Variants in PAPPA observed in about 807,000 individuals in gnomAD.
The protein encoded by PAPPA is pappalysin-1.
Under a neutral mutation model 164.0 loss-of-function variants are expected in PAPPA, and 60 were observed. The ratio of observed to expected loss-of-function variants is 0.37; its 90% CI spans 0.30 to 0.45. The LOEUF is 0.45. Ranked by LOEUF, PAPPA falls within the 20% of genes least tolerant of loss-of-function variation. The pLI is 1.00. For missense variants in PAPPA, 1,782 were observed against 2,087.3 expected, an observed-to-expected ratio of 0.85 and a Z score of 2.85; for synonymous variants, 875 against 814.1, an observed-to-expected ratio of 1.07 and a Z score of -1.27.
chr9:116,377,462 G>A (rs1846670325), intron 19 of PAPPA, 114 bp from the exon 20 acceptor site: 2 of 669,988 alleles, frequency 3.0e-6, no homozygotes, highest in Admixed American at 2.7e-5. Flanking sequence ...GCCAGGGTGA[G>A]GTCAGGAATT....
At chr9:116,391,391 C>A (rs975423687) in intron 21 of PAPPA, among the ~76,000 whole-genome samples, 1 of 152,178 alleles carries the variant, frequency 6.6e-6, no homozygotes, top group African/African-American at 2.4e-5. Flanking sequence ...CCCCCACAGC[C>A]AGCAGGAGAC....
intron 1 of PAPPA, among the ~76,000 whole-genome samples, chr9:116,166,409 C>T (rs1006581059): frequency 3.3e-5 from 5 of 152,148 alleles, no homozygotes; most frequent in African/African-American, 1.2e-4. Flanking sequence ...CCCTCTCTCC[C>T]CCTTATCAGT....
intron 5 of PAPPA, 148 bp from the exon 6 acceptor site, chr9:116,227,283 T>A: frequency 1.2e-6 from 1 of 829,448 alleles, no homozygotes; most frequent in Non-Finnish European, 1.9e-6. Flanking sequence ...TTACGGTTAT[T>A]TCCAGAAGCC....
chr9:116,246,583 C>T (rs1354477351), intron 7 of PAPPA, among the ~76,000 whole-genome samples: 1 of 152,144 alleles, frequency 6.6e-6, no homozygotes, highest in Non-Finnish European at 1.5e-5. Flanking sequence ...CTCTTATAAA[C>T]ATGCATGAAT....
chr9:116,282,269 T>C (rs1051089018), intron 9 of PAPPA, among the ~76,000 whole-genome samples: 1 of 152,194 alleles, frequency 6.6e-6, no homozygotes, highest in African/African-American at 2.4e-5. Flanking sequence ...GCTACATAAA[T>C]AGTTGTTATA....
At chr9:116,305,477 A>T (rs1177747317) in intron 10 of PAPPA, among the ~76,000 whole-genome samples, 2 of 151,968 alleles carry the variant, frequency 1.3e-5, no homozygotes, top group African/African-American at 4.8e-5. Context: ...TCTCTCACAC[A>T]CACACACACA....
chr9:116,349,190 T>C (rs1588015339), intron 15 of PAPPA, among the ~76,000 whole-genome samples: 2 of 150,616 alleles, frequency 1.3e-5, no homozygotes, highest in Non-Finnish European at 3.0e-5. Context: ...GATTGAGTGA[T>C]TGTCCTTATT....
Position 116,400,067 on chromosome 9 carries a change from G to A in PAPPA, c.*3451G>A, listed in dbSNP as rs950635756. On this transcript the variant is annotated 3_prime_UTR_variant, in exon 22 of 22. Coordinates refer to ENST00000328252, the MANE Select transcript of PAPPA (RefSeq NM_002581.5). ...AAAGAAAGAGAAAGGAAATTATAAG[G>A]TCAAGTTAACAGTTTTGAGGTTTTG... 3 of 152,480 alleles carry A rather than the reference G, an allele frequency of 2.0e-5. No individual in the cohort carries two copies. The highest frequency in any genetic ancestry group is 2.9e-5 in the Non-Finnish European group (2 of 67,996). The allele number at this position is 152,480 out of a possible 1,614,324, so 9.4% of individuals were successfully genotyped here. A position where few individuals can be genotyped will look rare whatever the true frequency, so the allele number is the denominator to read the frequency against.
intron 1 of PAPPA, among the ~76,000 whole-genome samples, chr9:116,157,835 T>C (rs1843621334): frequency 6.6e-6 from 1 of 152,112 alleles, no homozygotes; most frequent in African/African-American, 2.4e-5. Context: ...GACACATCCC[T>C]TTGCTTTTGT....
At chr9:116,254,514 G>A (rs1844898218) in intron 7 of PAPPA, among the ~76,000 whole-genome samples, 1 of 152,128 alleles carries the variant, frequency 6.6e-6, no homozygotes, top group Non-Finnish European at 1.5e-5. Flanking sequence ...CGGGCGCGGT[G>A]GCTCACACCT....
rs184063593 is a variant in PAPPA, at chr9:116,389,964, T to C, written c.4777-6545T>C. ...AATGTGCTTCTTGTTTGTTTATTGA[T>C]ATATTCAAATTTCCAGTGTACCTCA... On this transcript the variant is annotated intron_variant, in intron 21 of 21. Transcript: ENST00000328252. 1.3e-3 allele frequency among the ~76,000 whole-genome samples: 201 copies of C among 152,334 alleles called. 1 individual carries two copies. Among genetic ancestry groups the C allele is most frequent in the Middle Eastern group, 0.01 (3 of 294 alleles).
rs754380054 is a variant in PAPPA at position 116,302,938 on chromosome 9, A to G, written c.3135A>G (p.Pro1045=). Residue 1045 remains proline (P), a synonymous_variant, in exon 10 of 22, where the codon CCA becomes CCG. Transcript: ENST00000328252. ...CAGGCTGGGTCATCATCGGACAGCC[A>G]GCAGCATCCCAGGTAAGATCCTAAC... is the stretch of plus-strand genomic sequence containing the variant. ...QCPGWVIIGQ[P]AASQVCRTKV... 1.1e-5 allele frequency: 18 copies of G among 1,613,514 alleles called. No homozygotes were observed. The highest frequency in any genetic ancestry group is 1.5e-5 in the Non-Finnish European group (18 of 1,179,906).
Position 116,205,515 on chromosome 9 carries a change from T to G in PAPPA, c.1479-1941T>G, listed in dbSNP as rs139542868. 4.1e-3 allele frequency among the ~76,000 whole-genome samples: 617 copies of G among 152,300 alleles called. 3 individuals are homozygous for G. Among genetic ancestry groups the G allele is most frequent in the African/African-American group, 0.013 (555 of 41,568 alleles). On this transcript the variant is annotated intron_variant, in intron 2 of 21. Transcript: ENST00000328252. Reference sequence around the variant, plus strand: ...AGAAAATCTCAGCTCCTCTGTGTTTTCATTCTCCTCCCATGCATTGTTTCT... The same window carrying G: ...AGAAAATCTCAGCTCCTCTGTGTTTGCATTCTCCTCCCATGCATTGTTTCT...
Position 116,382,471 on chromosome 9 carries a change from C to A in PAPPA, c.4754C>A (p.Thr1585Asn). ...AACTATGACGGTGGGGATTGCTGCACCTCCACAGTGAAGACCAAAAAGGTA... is the reference window on the plus strand; with the variant it reads ...AACTATGACGGTGGGGATTGCTGCAACTCCACAGTGAAGACCAAAAAGGTA... ...FCNYDGGDCCTSTVKTKKVTP... is the reference protein window; with the variant it reads ...FCNYDGGDCCNSTVKTKKVTP... Residue 1585 changes from threonine to asparagine, a missense_variant, in exon 21 of 22, where the codon ACC becomes AAC. By Grantham distance (65) the Thr-to-Asn change is moderately conservative. Coordinates refer to ENST00000328252, the MANE Select transcript of PAPPA (RefSeq NM_002581.5). 1 of 1,612,894 alleles carries A rather than the reference C, an allele frequency of 6.2e-7. No individual in the cohort carries two copies. Among genetic ancestry groups the A allele is most frequent in the Non-Finnish European group, 8.5e-7 (1 of 1,178,908 alleles).
chr9:116,305,520 C>T (rs1845635739), intron 10 of PAPPA, among the ~76,000 whole-genome samples: 1 of 152,072 alleles, frequency 6.6e-6, no homozygotes, highest in African/African-American at 2.4e-5. Flanking sequence ...CACCAAAAGG[C>T]CCTGTAGGAG....
intron 9 of PAPPA, among the ~76,000 whole-genome samples, chr9:116,299,081 C>T (rs1845546617): frequency 6.6e-6 from 1 of 152,118 alleles, no homozygotes; most frequent in African/African-American, 2.4e-5. Context: ...GAGAATTCCC[C>T]AGACACGGGC....
At chr9:116,300,626 A>G (rs543851289) in intron 9 of PAPPA, among the ~76,000 whole-genome samples, 1 of 152,312 alleles carries the variant, frequency 6.6e-6, no homozygotes, top group South Asian at 2.1e-4. Context: ...GCAGAAATAA[A>G]CAAGGGATTT....
chr9:116,330,613 G>A lies in PAPPA; in HGVS notation c.3148-631G>A, dbSNP rs143527772. ...TGAATTTGTGTGTGTGTGTGTGTGC[G>A]TGTGTGTGTAGGGGTGTGTGTGTGT... On this transcript the variant is annotated intron_variant, in intron 10 of 21. Coordinates refer to ENST00000328252, the MANE Select transcript of PAPPA (RefSeq NM_002581.5). Among the ~76,000 whole-genome samples the A allele has an allele frequency of 8.1e-3, 1,216 of 150,870 alleles. 14 individuals carry two copies. Among genetic ancestry groups the A allele is most frequent in the African/African-American group, 0.027 (1,108 of 41,176 alleles).
intron 21 of PAPPA, among the ~76,000 whole-genome samples, chr9:116,390,045 G>A (rs1209559077): frequency 6.6e-6 from 1 of 152,044 alleles, no homozygotes; most frequent in Non-Finnish European, 1.5e-5. Context: ...CTTTTTGCAT[G>A]AGTGAATTTA....
Sources: gnomAD v4.1 joint callset for allele counts (sites outside exome capture counted in the v4.1 genomes callset) on GRCh38, gnomAD v4.1.1 for gene constraint, MANE v1.5 for transcripts, NCBI Gene and HGNC (gene_info 2026-07-23, HGNC 2026-07-21) for gene names.